TNS1: variants seen among roughly 807,000 people sequenced by gnomAD.
The protein encoded by TNS1 is tensin 1, also known as tensin-1.
Under a neutral mutation model 168.6 loss-of-function variants are expected in TNS1, and 62 were observed. The ratio of observed to expected loss-of-function variants is 0.37; its 90% CI spans 0.30 to 0.45. TNS1 has a LOEUF of 0.45. Among genes scored for constraint, TNS1 ranks in the 20% least tolerant of loss-of-function variants. TNS1 has a pLI of 1.00. For synonymous variants in TNS1, 934 were observed against 933.2 expected, an observed-to-expected ratio of 1.00 and a Z score of -0.02; for missense variants, 2,240 against 2,339.4, an observed-to-expected ratio of 0.96 and a Z score of 0.88.
rs1430012467 is a variant in TNS1 at position 217,979,357 on chromosome 2, ACACACACACAGTCT to A, written c.149-569_149-556del. On this transcript the variant is annotated intron_variant, in intron 2 of 32. Coordinates refer to ENST00000682258, the MANE Select transcript of TNS1 (RefSeq NM_001387777.1). Reference sequence around the variant, plus strand: ...CACCCATCCACACAGCCATCCACGCACACACACACAGTCTCACACACACAGATTCATCCAGGAAG... The same window carrying A: ...CACCCATCCACACAGCCATCCACGCACACACACACAGATTCATCCAGGAAG... 1.6e-4 allele frequency among the ~76,000 whole-genome samples: 24 copies of A among 152,014 alleles called. No individual in the cohort carries two copies. In the Middle Eastern group the frequency reaches 0.02, roughly 129 times the overall value.
chr2:218,031,120 G>C (rs1003976204), intron 1 of TNS1, among the ~76,000 whole-genome samples: 34 of 105,444 alleles, frequency 3.2e-4, no homozygotes, highest in African/African-American at 1.2e-3. Context: ...GTGTGTGTGA[G>C]CATGTCTGTG....
At chr2:217,931,127 C>T (rs1956299839) in intron 3 of TNS1, among the ~76,000 whole-genome samples, 1 of 152,110 alleles carries the variant, frequency 6.6e-6, no homozygotes, top group South Asian at 2.1e-4. Context: ...AACTTGTGGC[C>T]CGGTGGGGGA....
chr2:217,846,800 C>T (rs899751357), intron 19 of TNS1, among the ~76,000 whole-genome samples: 6 of 152,224 alleles, frequency 3.9e-5, no homozygotes, highest in African/African-American at 1.4e-4. Context: ...GAGAAGCCCA[C>T]TCTCTGATAG....
intron 17 of TNS1, chr2:217,882,040 C>G (rs971336259): frequency 2.0e-4 from 54 of 268,428 alleles, no homozygotes; most frequent in Non-Finnish European, 3.1e-4. Context: ...CCCTGCCCGC[C>G]AGCCACTCCC....
At chr2:217,917,737 G>A (rs549067134) in intron 4 of TNS1, among the ~76,000 whole-genome samples, 137 of 150,728 alleles carry the variant, frequency 9.1e-4, no homozygotes, top group Non-Finnish European at 1.4e-3. Context: ...AGGCTGAGGC[G>A]GGAGAAATGC....
chr2:217,804,304 C>T lies in TNS1; in HGVS notation c.*155G>A. The T allele has an allele frequency of 3.7e-6, 3 of 812,832 alleles. No homozygotes were observed. In the South Asian group the frequency reaches 5.2e-5, roughly 14 times the overall value. 50.4% of individuals were successfully genotyped at this position (812,832 alleles called of 1,614,324 possible). A position where few individuals can be genotyped will look rare whatever the true frequency, so the allele number is the denominator to read the frequency against. On this transcript the variant is annotated 3_prime_UTR_variant, in exon 33 of 33. Coordinates refer to ENST00000682258, the MANE Select transcript of TNS1 (RefSeq NM_001387777.1). ...TCTCTCTCTCTTTTCCCCCTCCCCT[C>T]TGCAATTCACTTCCCTCTCCCCACG...
intron 1 of TNS1, among the ~76,000 whole-genome samples, chr2:218,023,225 C>T (rs866963426): frequency 2.0e-5 from 3 of 152,306 alleles, no homozygotes; most frequent in African/African-American, 7.2e-5. Flanking sequence ...CGAGGAGACA[C>T]TGGAGAGACC....
intron 12 of TNS1, 59 bp downstream of exon 12, chr2:217,890,903 T>A: frequency 6.4e-7 from 1 of 1,568,800 alleles, no homozygotes; most frequent in South Asian, 1.1e-5. Flanking sequence ...ACAAGTCTAG[T>A]CCCCACATAG....
At chr2:217,980,744 G>GAGGGACAC (rs1958028130) in intron 2 of TNS1, among the ~76,000 whole-genome samples, 1 of 152,038 alleles carries the variant, frequency 6.6e-6, no homozygotes, top group East Asian at 1.9e-4. Flanking sequence ...GTCTAGACAT[G>GAGGGACAC]AGGGACACAA....
intron 3 of TNS1, among the ~76,000 whole-genome samples, chr2:217,938,965 C>T (rs1956774207): frequency 1.3e-5 from 2 of 152,100 alleles, no homozygotes; most frequent in South Asian, 4.2e-4. Context: ...ATCTTCTCCA[C>T]TCTCTGGTCC....
rs763260263 is a variant in TNS1, at chr2:217,995,154, G to A, written c.34-4098C>T. 2.6e-5 allele frequency among the ~76,000 whole-genome samples: 4 copies of A among 152,156 alleles called. No homozygotes were observed. The highest frequency in any genetic ancestry group is 4.4e-5 in the Non-Finnish European group (3 of 68,010). ...GAGGCTGTGAAACTCTGGTAGGAGC[G>A]AGGGACTAGCTCTGCCACCTCCAGG... On this transcript the variant is annotated intron_variant, in intron 1 of 32. Coordinates refer to ENST00000682258, the MANE Select transcript of TNS1 (RefSeq NM_001387777.1). This position sits in a 1 kb window ranked among gnomAD's most constrained non-coding sequence, Gnocchi z 4.1.
In TNS1 at chr2:217,897,896, C is replaced by A. The variant is rs754895922; in HGVS notation, c.445G>T (p.Ala149Ser). 3.1e-6 allele frequency: 5 copies of A among 1,613,514 alleles called. No homozygotes were observed. The highest frequency in any genetic ancestry group is 3.3e-5 in the Admixed American group (2 of 59,958). Reference protein sequence around the residue: ...DLVYVTERIIAVSFPSTANEE... With the variant: ...DLVYVTERIISVSFPSTANEE... The stretch of plus-strand genomic sequence containing the variant: ...TTGGCTGTGCTGGGGAAGGAGACAG[C>A]GATGATCCTCTCTGTGACGTACACC... The change falls in exon 8 of 33, where the codon GCT (alanine) becomes TCT (serine). Residue 149 changes from alanine to serine, a missense_variant. By Grantham distance (99) the Ala-to-Ser change is moderately conservative (BLOSUM62 1). Coordinates refer to ENST00000682258, the MANE Select transcript of TNS1 (RefSeq NM_001387777.1).
chr2:217,848,678 A>G lies in TNS1; in HGVS notation c.1839T>C (p.Asn613=). 6.2e-7 allele frequency: 1 copy of G among 1,614,164 alleles called. No homozygotes were observed. Among genetic ancestry groups the G allele is most frequent in the South Asian group, 1.1e-5 (1 of 91,080 alleles). The part of the protein sequence containing the change: ...RHVVPAQVHV[N]GGALASERET... ...CCCGCTCAGATGCTAACGCCCCACCATTGACATGAACCTGGGCTGGGACAA... is the reference window on the plus strand; with the variant it reads ...CCCGCTCAGATGCTAACGCCCCACCGTTGACATGAACCTGGGCTGGGACAA... The change falls in exon 19 of 33, where the codon AAT becomes AAC. Residue 613 remains asparagine, a synonymous_variant. Transcript: ENST00000682258.
intron 18 of TNS1, among the ~76,000 whole-genome samples, chr2:217,862,601 C>A (rs1381176127): frequency 1.3e-5 from 2 of 152,230 alleles, no homozygotes; most frequent in Non-Finnish European, 2.9e-5. Context: ...CCCGCATGGT[C>A]AAGCCAGAGG....
intron 22 of TNS1, among the ~76,000 whole-genome samples, chr2:217,826,225 C>T (rs1943598188): frequency 1.3e-5 from 2 of 152,156 alleles, no homozygotes; most frequent in Non-Finnish European, 2.9e-5. Flanking sequence ...GCGGGAAGGA[C>T]CTTTGAGAAG....
intron 3 of TNS1, among the ~76,000 whole-genome samples, chr2:217,953,286 GC>G (rs1016218312): frequency 1.3e-5 from 2 of 152,172 alleles, no homozygotes; most frequent in Non-Finnish European, 2.9e-5. Flanking sequence ...AACAGCTACA[GC>G]CCCGCCCTCT....
At chr2:217,887,099 A>G (rs112104477) in intron 12 of TNS1, among the ~76,000 whole-genome samples, 3 of 152,296 alleles carry the variant, frequency 2.0e-5, no homozygotes, top group African/African-American at 7.2e-5. Flanking sequence ...TCATACTCAC[A>G]GCCCCAGTTC....
intron 1 of TNS1, among the ~76,000 whole-genome samples, chr2:218,019,324 G>C (rs570145152): frequency 1.3e-5 from 2 of 152,172 alleles, no homozygotes; most frequent in Admixed American, 6.5e-5. Flanking sequence ...ACCAAATGAC[G>C]GTGCTGACAT....
chr2:217,975,476 C>T (rs905324213), intron 3 of TNS1, among the ~76,000 whole-genome samples: 3 of 152,178 alleles, frequency 2.0e-5, no homozygotes, highest in East Asian at 3.9e-4. Flanking sequence ...GTGAGGGTGG[C>T]GTGTGAAGGC....
Sources: allele counts gnomAD v4.1 joint callset (sites outside exome capture counted in the v4.1 genomes callset), GRCh38; gene constraint gnomAD v4.1.1; non-coding constraint Gnocchi (gnomAD v3.1); transcripts MANE v1.5; gene names NCBI Gene and HGNC (gene_info 2026-07-23, HGNC 2026-07-21).